Variants in SHTN1 observed in about 807,000 individuals in gnomAD.
SHTN1 encodes the protein shootin 1.
A neutral mutation model predicts 83.1 loss-of-function variants in SHTN1; 42 were observed. The ratio of observed to expected loss-of-function variants is 0.51; its 90% CI spans 0.39 to 0.65. The LOEUF is 0.65. SHTN1 is among the 30% of genes least tolerant of loss of function. The pLI, the probability that SHTN1 is intolerant of heterozygous loss-of-function variation, is 0.00. For synonymous variants in SHTN1, 224 were observed against 247.7 expected (o/e 0.90, Z 0.90); for missense variants, 622 against 737.8 (o/e 0.84, Z 1.82).
intron 2 of SHTN1, among the ~76,000 whole-genome samples, chr10:117,045,930 C>CT (rs1213091269): frequency 6.6e-6 from 1 of 151,936 alleles, no homozygotes; most frequent in Non-Finnish European, 1.5e-5. Flanking sequence ...GATAAAAACT[C>CT]TAAGAAGGTA....
chr10:116,987,925 AAC>A lies in SHTN1; in HGVS notation c.59-8619_59-8618del, dbSNP rs1485927827. On this transcript the variant is annotated intron_variant, in intron 1 of 16. Coordinates refer to ENST00000355371, the MANE Select transcript of SHTN1 (RefSeq NM_001127211.3). Reference sequence around the variant, plus strand: ...AGACTCCGTCTCAAAAAAACAAACAAACAAAAAAAAAAACCGTGGGTGCCAAG... The same window carrying A: ...AGACTCCGTCTCAAAAAAACAAACAAAAAAAAAAAAACCGTGGGTGCCAAG... Among the ~76,000 whole-genome samples the A allele has an allele frequency of 6.3e-4, 95 of 151,862 alleles. 2 individuals carry two copies. The South Asian group carries it at 0.019, about 30-fold the overall frequency.
chr10:117,105,374 T>G (rs1853656947), intron 1 of SHTN1, among the ~76,000 whole-genome samples: 1 of 152,180 alleles, frequency 6.6e-6, no homozygotes, highest in African/African-American at 2.4e-5. Flanking sequence ...AAAAAGGCTT[T>G]TACTGAGATT....
intron 16 of SHTN1, among the ~76,000 whole-genome samples, chr10:116,898,019 A>G (rs898588561): frequency 6.6e-6 from 1 of 152,180 alleles, no homozygotes; most frequent in African/African-American, 2.4e-5. Context: ...AAAGTAAAAG[A>G]GTTTCTTTTA....
At chr10:116,930,608 G>C (rs10886018) in intron 9 of SHTN1, among the ~76,000 whole-genome samples, 146,203 of 152,300 alleles carry the variant, frequency 0.96, 70,463 homozygotes, top group East Asian at 1. Context: ...ATATGTACCA[G>C]ATTTTCTTTA....
chr10:117,123,040 T>C lies in SHTN1; in HGVS notation c.-189+3267A>G, dbSNP rs1331337379. Reference sequence around the variant, plus strand: ...TTTTGGAGATGGAGTTTCGCTCTTGTTGCCCAGGCTGGAGTGCAATGGTGT... The same window carrying C: ...TTTTGGAGATGGAGTTTCGCTCTTGCTGCCCAGGCTGGAGTGCAATGGTGT... On this transcript the variant is annotated intron_variant, in intron 1 of 17. Transcript: ENST00000392901. 2.0e-5 allele frequency among the ~76,000 whole-genome samples: 3 copies of C among 152,154 alleles called. No individual in the cohort carries two copies. The East Asian group carries it at 5.8e-4, about 29-fold the overall frequency.
intron 9 of SHTN1, among the ~76,000 whole-genome samples, chr10:116,931,233 T>C (rs1051154560): frequency 6.6e-5 from 10 of 152,108 alleles, no homozygotes; most frequent in African/African-American, 2.4e-4. Context: ...AGTGGTTTTT[T>C]GTTTTGTTTC....
At chr10:116,900,457 G>T in intron 16 of SHTN1, 1 of 1,262,158 alleles carries the variant, frequency 7.9e-7, no homozygotes, top group Non-Finnish European at 1.1e-6. Flanking sequence ...TTCCTTTCTT[G>T]GAAATGTAAT....
At chr10:116,940,751 T>TC in intron 8 of SHTN1, 139 bp from the exon 9 acceptor site, 2 of 576,046 alleles carry the variant, frequency 3.5e-6, no homozygotes, top group African/African-American at 1.9e-5. Context: ...GTTTTAGAAG[T>TC]AGTGATTGCT....
At chr10:117,118,241 A>T (rs183642121) in intron 1 of SHTN1, among the ~76,000 whole-genome samples, 4 of 152,116 alleles carry the variant, frequency 2.6e-5, no homozygotes, top group Non-Finnish European at 5.9e-5. Context: ...AAAGGGCAAA[A>T]GATCTGAATA....
chr10:117,046,872 TG>T (rs1469733788), intron 2 of SHTN1, among the ~76,000 whole-genome samples: 2 of 151,558 alleles, frequency 1.3e-5, no homozygotes, highest in Admixed American at 6.6e-5. Flanking sequence ...TGACTGAGAG[TG>T]GGTATGGGGT....
At chr10:117,074,978 A>G (rs1853131695) in intron 1 of SHTN1, among the ~76,000 whole-genome samples, 1 of 151,766 alleles carries the variant, frequency 6.6e-6, no homozygotes, top group Admixed American at 6.6e-5. Context: ...TTTAGGATTG[A>G]AAAAAAAATT....
Position 116,907,646 on chromosome 10 carries a change from T to C in SHTN1, c.1360-899A>G, listed in dbSNP as rs3758621. On this transcript the variant is annotated intron_variant, in intron 14 of 16. Transcript: ENST00000355371. The stretch of plus-strand genomic sequence containing the variant: ...AAGGATTTAATACATCAACAAGTCT[T>C]TCATCAGAGATGCCCATTATTTCTT... Among the ~76,000 whole-genome samples, 985 of 152,284 alleles carry C rather than the reference T, an allele frequency of 6.5e-3. 73 individuals carry two copies. In the East Asian group the frequency reaches 0.15, roughly 24 times the overall value.
At chr10:116,938,699 G>A (rs1849256977) in intron 9 of SHTN1, among the ~76,000 whole-genome samples, 1 of 152,220 alleles carries the variant, frequency 6.6e-6, no homozygotes, top group Admixed American at 6.5e-5. Context: ...GCGCTGCGCT[G>A]GGAAATCTGC....
intron 16 of SHTN1, among the ~76,000 whole-genome samples, chr10:116,899,637 C>G (rs1399009161): frequency 6.6e-6 from 1 of 151,902 alleles, no homozygotes; most frequent in Non-Finnish European, 1.5e-5. Context: ...TGATTCAGGT[C>G]AAGAGCCAAT....
intron 2 of SHTN1, among the ~76,000 whole-genome samples, chr10:117,016,960 G>T (rs543387229): frequency 6.6e-6 from 1 of 152,062 alleles, no homozygotes; most frequent in Non-Finnish European, 1.5e-5. Flanking sequence ...CCACAAGCAT[G>T]AGCATAGCCA....
chr10:117,103,316 C>A (rs1032447805), intron 1 of SHTN1, among the ~76,000 whole-genome samples: 9 of 151,932 alleles, frequency 5.9e-5, no homozygotes, highest in African/African-American at 1.9e-4. Context: ...GTCTCGAACT[C>A]CTGACCTCAA....
chr10:117,117,554 A>G (rs1306859718), intron 1 of SHTN1, among the ~76,000 whole-genome samples: 1 of 152,188 alleles, frequency 6.6e-6, no homozygotes, highest in Admixed American at 6.5e-5. Flanking sequence ...TAAAACTTAT[A>G]TGGAACCACA....
Position 117,093,463 on chromosome 10 carries a change from C to T in SHTN1, c.-189+32844G>A, listed in dbSNP as rs560407386. On this transcript the variant is annotated intron_variant, in intron 1 of 17. Coordinates refer to the SHTN1 transcript ENST00000392901. Reference sequence around the variant, plus strand: ...GGGAGGCCGAGGTGGGAGGATAAGCCGAGATCATGCCACTGCACTCCAGCT... The same window carrying T: ...GGGAGGCCGAGGTGGGAGGATAAGCTGAGATCATGCCACTGCACTCCAGCT... Among the ~76,000 whole-genome samples the T allele has an allele frequency of 6.4e-4, 98 of 152,120 alleles. 1 individual carries two copies. Among genetic ancestry groups the T allele is most frequent in the South Asian group, 4.0e-3 (19 of 4,808 alleles).
At chr10:117,062,298 A>G (rs1252813977) in intron 1 of SHTN1, among the ~76,000 whole-genome samples, 1 of 152,204 alleles carries the variant, frequency 6.6e-6, no homozygotes, top group Non-Finnish European at 1.5e-5. Context: ...TTTTTTGACC[A>G]TACATTTTAA....
Sources: allele counts gnomAD v4.1 joint callset (sites outside exome capture counted in the v4.1 genomes callset), GRCh38; gene constraint gnomAD v4.1.1; transcripts MANE v1.5; gene names NCBI Gene and HGNC (gene_info 2026-07-23, HGNC 2026-07-21).